The following NACC1 variants were observed in gnomAD, a reference collection of about 807,000 sequenced individuals.
NACC1 encodes nucleus accumbens-associated protein 1.
In NACC1, 6 loss-of-function variants were observed where a neutral mutation model predicts 41.7. That is an observed-to-expected ratio of 0.14 (90% CI 0.08 to 0.28). The LOEUF is 0.28. Ranked by LOEUF, NACC1 falls within the 10% of genes least tolerant of loss-of-function variation. The pLI is 1.00. For missense variants in NACC1, 434 were observed against 763.7 expected, an observed-to-expected ratio of 0.57 and a Z score of 5.09; for synonymous variants, 338 against 330.6, an observed-to-expected ratio of 1.02 and a Z score of -0.24.
Position 13,138,032 on chromosome 19 carries a change from C to A in NACC1, c.1325-115C>A. 6.8e-7 allele frequency: 1 copy of A among 1,478,294 alleles called. No homozygotes were observed. The highest frequency in any genetic ancestry group is 9.2e-7 in the Non-Finnish European group (1 of 1,089,092). The allele number at this position is 1,478,294 out of a possible 1,614,324, so 91.6% of individuals were successfully genotyped here. A position where few individuals can be genotyped will look rare whatever the true frequency, so the allele number is the denominator to read the frequency against. On this transcript the variant is annotated intron_variant, in intron 5 of 5. Coordinates refer to ENST00000292431, the MANE Select transcript of NACC1 (RefSeq NM_052876.4). The surrounding 1 kb of genome is among the most constrained non-coding windows in gnomAD (Gnocchi z 5.7). Reference sequence around the variant, plus strand: ...GTAGTGTGGTGTCCTGGCCGCGTGGCCTCACTCGTTTCCCCTTTGAGAGGG... The same window carrying A: ...GTAGTGTGGTGTCCTGGCCGCGTGGACTCACTCGTTTCCCCTTTGAGAGGG...
chr19:13,123,314 GT>G (rs1338356907), intron 1 of NACC1, among the ~76,000 whole-genome samples: 4 of 152,180 alleles, frequency 2.6e-5, no homozygotes, highest in African/African-American at 9.7e-5. Context: ...TATGGTTGGA[GT>G]TGGTGGGGAG....
chr19:13,118,880 G>A (rs2019449282), intron 1 of NACC1, among the ~76,000 whole-genome samples: 1 of 149,374 alleles, frequency 6.7e-6, no homozygotes, highest in African/African-American at 2.5e-5. Flanking sequence ...AGGGGGGCGG[G>A]GAGGGGCCGG....
chr19:13,136,277 G>A lies in NACC1; in HGVS notation c.992G>A (p.Arg331Gln), dbSNP rs764227570. 6 of 1,614,018 alleles carry A rather than the reference G, an allele frequency of 3.7e-6. No homozygotes were observed. Among genetic ancestry groups the A allele is most frequent in the Admixed American group, 1.7e-5 (1 of 60,002 alleles). Residue 331 changes from arginine to glutamine, a missense_variant, in exon 3 of 6, where the codon CGA becomes CAA. By Grantham distance (43) the Arg-to-Gln change is conservative. Around this residue, in one of 4 missense-constraint regions of NACC1, gnomAD observed 234 missense variants for 308.3 expected, o/e 0.76. Transcript: ENST00000292431. This position sits in a 1 kb window ranked among gnomAD's most constrained non-coding sequence, Gnocchi z 5.5. ...ALPEQVAPES[R>Q]NRIRVRQDLA... ...CCGGAGCAGGTAGCCCCCGAGTCCC[G>A]AAATCGCATCCGGGTTCGGCAAGAC... is the stretch of plus-strand genomic sequence containing the variant.
chr19:13,135,086 A>T, intron 1 of NACC1, 114 bp from the exon 2 acceptor site: 1 of 1,433,864 alleles, frequency 7.0e-7, no homozygotes, highest in Non-Finnish European at 9.1e-7. Context: ...CATCGTGCGG[A>T]TGTCCCTCCA....
upstream of NACC1, chr19:13,117,974 T>C (rs941035890): frequency 6.6e-6 from 1 of 152,218 alleles, no homozygotes; most frequent in Non-Finnish European, 1.5e-5. Flanking sequence ...ACAGCAGTCA[T>C]TATTGTTTTT....
chr19:13,136,453 G>A lies in NACC1; in HGVS notation c.1120+48G>A, dbSNP rs762734282. Reference sequence around the variant, plus strand: ...CTCTCCCCTCCGCAGCTTTGGAGCCGGCTGGCCTGGGCTGGGCTGGGCAGC... The same window carrying A: ...CTCTCCCCTCCGCAGCTTTGGAGCCAGCTGGCCTGGGCTGGGCTGGGCAGC... On this transcript the variant is annotated intron_variant, in intron 3 of 5. Coordinates refer to ENST00000292431, the MANE Select transcript of NACC1 (RefSeq NM_052876.4). This position sits in a 1 kb window ranked among gnomAD's most constrained non-coding sequence, Gnocchi z 5.5. The A allele has an allele frequency of 2.8e-5, 43 of 1,559,518 alleles. No homozygotes were observed. The highest frequency in any genetic ancestry group is 2.3e-4 in the South Asian group (19 of 82,368).
intron 1 of NACC1, among the ~76,000 whole-genome samples, chr19:13,129,271 G>A (rs1007331453): frequency 5.3e-5 from 8 of 152,136 alleles, no homozygotes; most frequent in Admixed American, 2.0e-4. Context: ...CTCAATCCTC[G>A]ACTCCATCCC....
In NACC1 at chr19:13,138,631, A is replaced by G. The variant is rs569281858; in HGVS notation, c.*225A>G. The G allele has an allele frequency of 7.8e-5, 48 of 615,756 alleles. No homozygotes were observed. The African/African-American group carries it at 8.2e-4, about 11-fold the overall frequency. 38.1% of individuals were successfully genotyped at this position (615,756 alleles called of 1,614,324 possible). A position where few individuals can be genotyped will look rare whatever the true frequency, so the allele number is the denominator to read the frequency against. On this transcript the variant is annotated 3_prime_UTR_variant, in exon 6 of 6. Coordinates refer to ENST00000292431, the MANE Select transcript of NACC1 (RefSeq NM_052876.4). The surrounding 1 kb of genome is among the most constrained non-coding windows in gnomAD (Gnocchi z 5.7). ...AGGTCCGTGTTGCCTTCTTTAACAC[A>G]CACTCGTGCAGTGGGGGAGTTCTGG... is the stretch of plus-strand genomic sequence containing the variant.
At chr19:13,118,749 G>A (rs2019444898) in intron 1 of NACC1, among the ~76,000 whole-genome samples, 1 of 151,154 alleles carries the variant, frequency 6.6e-6, no homozygotes, top group Admixed American at 6.6e-5. Flanking sequence ...GGGGAAGTTG[G>A]AGGGTCCGAG....
At chr19:13,133,287 G>T (rs1206353412) in intron 1 of NACC1, among the ~76,000 whole-genome samples, 1 of 151,906 alleles carries the variant, frequency 6.6e-6, no homozygotes, top group Non-Finnish European at 1.5e-5. Flanking sequence ...TACAGAGGAG[G>T]CCGGGCGTGA....
chr19:13,138,473 T>G lies in NACC1; in HGVS notation c.*67T>G, dbSNP rs910213290. The G allele has an allele frequency of 2.5e-6, 4 of 1,576,708 alleles. No homozygotes were observed. In the African/African-American group the frequency reaches 5.4e-5, roughly 21 times the overall value. On this transcript the variant is annotated 3_prime_UTR_variant, in exon 6 of 6. Transcript: ENST00000292431. The surrounding 1 kb of genome is among the most constrained non-coding windows in gnomAD (Gnocchi z 5.7). ...CACACACACACACCTGCCATCTTGGTCATGAGCTACTGTCTGTCCCTCCCC... is the reference window on the plus strand; with the variant it reads ...CACACACACACACCTGCCATCTTGGGCATGAGCTACTGTCTGTCCCTCCCC...
rs1447109832 is a variant in NACC1 at position 13,137,837 on chromosome 19, A to C, written c.1324+262A>C. On this transcript the variant is annotated intron_variant, in intron 5 of 5. Transcript: ENST00000292431. This position sits in a 1 kb window ranked among gnomAD's most constrained non-coding sequence, Gnocchi z 6.1. Reference sequence around the variant, plus strand: ...GCAGTCTGGGAGGGATGAGGCAGCCAGACAGTGCTAGCCACTCGTCATGGG... The same window carrying C: ...GCAGTCTGGGAGGGATGAGGCAGCCCGACAGTGCTAGCCACTCGTCATGGG... Among the ~76,000 whole-genome samples, 1 of 152,230 alleles carries C rather than the reference A, an allele frequency of 6.6e-6. No individual in the cohort carries two copies. Among genetic ancestry groups the C allele is most frequent in the Non-Finnish European group, 1.5e-5 (1 of 68,036 alleles).
At chr19:13,133,571 A>T (rs1184281126) in intron 1 of NACC1, among the ~76,000 whole-genome samples, 1 of 152,108 alleles carries the variant, frequency 6.6e-6, no homozygotes, top group Non-Finnish European at 1.5e-5. Flanking sequence ...AATCTTTTCC[A>T]GGGACATCCA....
At chr19:13,133,470 C>T (rs1246086042) in intron 1 of NACC1, among the ~76,000 whole-genome samples, 2 of 152,144 alleles carry the variant, frequency 1.3e-5, no homozygotes, top group African/African-American at 4.8e-5. Context: ...TAATCTGCCT[C>T]CTGTCTGCGT....
chr19:13,134,957 C>CG (rs1482106292), intron 1 of NACC1, among the ~76,000 whole-genome samples: 1 of 152,220 alleles, frequency 6.6e-6, no homozygotes, highest in East Asian at 1.9e-4. Flanking sequence ...CAAGGGATAG[C>CG]GTGTGGCCAC....
intron 1 of NACC1, among the ~76,000 whole-genome samples, chr19:13,133,067 G>A (rs2019652892): frequency 6.6e-6 from 1 of 152,210 alleles, no homozygotes; most frequent in African/African-American, 2.4e-5. Flanking sequence ...GCAGATCTGA[G>A]TGGAGTTGCT....
intron 1 of NACC1, 149 bp from the exon 2 acceptor site, chr19:13,135,051 T>C: frequency 7.4e-7 from 1 of 1,353,940 alleles, no homozygotes; most frequent in Admixed American, 3.0e-5. Context: ...GAGGGCTCTG[T>C]GTGGTTTAGC....
rs1234206074 is a variant in NACC1 at position 13,136,075 on chromosome 19, G to A, written c.868G>A (p.Glu290Lys). Residue 290 changes from glutamate to lysine, a missense_variant, in exon 2 of 6, where the codon GAG becomes AAG. Glu to Lys is a moderately conservative substitution (Grantham distance 56). Coordinates refer to ENST00000292431, the MANE Select transcript of NACC1 (RefSeq NM_052876.4). The surrounding 1 kb of genome is among the most constrained non-coding windows in gnomAD (Gnocchi z 5.5). ...NEEDEEEDGG[E>K]EGMDEQYRQI... ...GGAGGACGAGGAGGAGGATGGTGGC[G>A]AGGAGGGCATGGATGAGCAGTACCG... 6.2e-7 allele frequency: 1 copy of A among 1,614,112 alleles called. No individual in the cohort carries two copies. The highest frequency in any genetic ancestry group is 1.1e-5 in the South Asian group (1 of 91,084).
At chr19:13,118,221 C>T (rs2019421667), upstream of NACC1, 3 of 150,572 alleles carry the variant, frequency 2.0e-5, no homozygotes, top group Admixed American at 1.3e-4. Context: ...GCCGCTCCTC[C>T]CTGGCCTGGC....
Sources: gnomAD v4.1 joint callset for allele counts (sites outside exome capture counted in the v4.1 genomes callset) on GRCh38, gnomAD v4.1.1 for gene constraint, gnomAD v4.1.1 regional missense constraint, Gnocchi (gnomAD v3.1) non-coding constraint, MANE v1.5 for transcripts, NCBI Gene and HGNC (gene_info 2026-07-23, HGNC 2026-07-21) for gene names.